ASIC2: variants seen among roughly 807,000 people sequenced by gnomAD.
ASIC2 encodes the protein acid-sensing ion channel 2.
ASIC2 carries 25 observed loss-of-function variants against 57.3 expected under a neutral mutation model. The ratio of observed to expected loss-of-function variants is 0.44; its 90% CI spans 0.32 to 0.61. The LOEUF is 0.61. ASIC2 is among the 20% of genes least tolerant of loss of function. The probability of loss-of-function intolerance (pLI) is 0.06; values close to 1 mark genes in which losing one functional copy is unlikely to be tolerated. For synonymous variants in ASIC2, 319 were observed against 307.5 expected (o/e 1.04, Z -0.39); for missense variants, 641 against 738.1 (o/e 0.87, Z 1.52).
intron 1 of ASIC2, chr17:34,070,239 C>G (rs9899242): frequency 0.19 from 28,346 of 151,730 alleles, 3,182 homozygotes; most frequent in African/African-American, 0.32. Flanking sequence ...AGCAGTACCC[C>G]CTGGTGATGT....
intron 1 of ASIC2, among the ~76,000 whole-genome samples, chr17:33,437,780 C>T (rs4506951): frequency 0.74 from 111,832 of 152,000 alleles, 41,655 homozygotes; most frequent in Middle Eastern, 0.79. Flanking sequence ...TGGGTGAGAC[C>T]CCATGCCAAA....
At chr17:33,924,707 G>A (rs747897690) in intron 1 of ASIC2, among the ~76,000 whole-genome samples, 1 of 152,160 alleles carries the variant, frequency 6.6e-6, no homozygotes, top group African/African-American at 2.4e-5. Flanking sequence ...AGCAGAGAGA[G>A]GATGCAAGTG....
At chr17:33,295,666 T>G (rs1035357848), upstream of ASIC2, among the ~76,000 whole-genome samples, 40 of 152,114 alleles carry the variant, frequency 2.6e-4, no homozygotes, top group Non-Finnish European at 5.9e-5. Context: ...TCCTTCATAT[T>G]TGTATCCCTA....
chr17:33,215,501 T>G (rs1017791056), intron 1 of ASIC2, among the ~76,000 whole-genome samples: 1 of 152,166 alleles, frequency 6.6e-6, no homozygotes, highest in Non-Finnish European at 1.5e-5. Flanking sequence ...AAAATGTTAA[T>G]GTTATAAAGG....
intron 1 of ASIC2, among the ~76,000 whole-genome samples, chr17:33,421,535 A>G (rs1911042303): frequency 6.6e-6 from 1 of 152,226 alleles, no homozygotes; most frequent in South Asian, 2.1e-4. Context: ...AGAAGTCCCA[A>G]CAACCATTGC....
intron 3 of ASIC2, among the ~76,000 whole-genome samples, chr17:33,057,326 T>C (rs1189813057): frequency 6.6e-6 from 1 of 152,210 alleles, no homozygotes; most frequent in African/African-American, 2.4e-5. Flanking sequence ...CATTCTATAC[T>C]TCAAATATTA....
chr17:33,535,991 T>A (rs971000283), intron 1 of ASIC2, among the ~76,000 whole-genome samples: 1 of 152,240 alleles, frequency 6.6e-6, no homozygotes, highest in Non-Finnish European at 1.5e-5. Context: ...GAGTCTTGTT[T>A]CCGAGGTGCA....
intron 1 of ASIC2, chr17:33,816,826 T>C (rs1338497815): frequency 6.6e-6 from 1 of 152,216 alleles, no homozygotes; most frequent in Non-Finnish European, 1.5e-5. Flanking sequence ...ATGGGGCCTT[T>C]CCCAGTCCCC....
intron 1 of ASIC2, among the ~76,000 whole-genome samples, chr17:34,055,388 CACTT>C (rs1485829184): frequency 6.6e-6 from 1 of 152,170 alleles, no homozygotes; most frequent in Non-Finnish European, 1.5e-5. Flanking sequence ...CCTGCCCTCC[CACTT>C]GTTTACTGTC....
At chr17:33,058,935 G>A (rs112460568) in intron 3 of ASIC2, among the ~76,000 whole-genome samples, 2,399 of 152,168 alleles carry the variant, frequency 0.016, 51 homozygotes, top group African/African-American at 0.053. Flanking sequence ...TCTGTTTGAT[G>A]GAAATATTAT....
intron 1 of ASIC2, among the ~76,000 whole-genome samples, chr17:33,943,246 A>G (rs1324580553): frequency 6.6e-6 from 1 of 152,246 alleles, no homozygotes; most frequent in Non-Finnish European, 1.5e-5. Flanking sequence ...AAAGAGGAGA[A>G]GCGCAGGGAA....
Position 33,391,628 on chromosome 17 carries a change from C to A in ASIC2, c.556-279561G>T, listed in dbSNP as rs184487744. ...CCTTGCCTTGACCTTGAGTTGCACT[C>A]AATTCCCCCAATATCTAAGTGCCTT... On this transcript the variant is annotated intron_variant, in intron 1 of 9. Transcript: ENST00000359872. Among the ~76,000 whole-genome samples, 16 of 152,282 alleles carry A rather than the reference C, an allele frequency of 1.1e-4. No homozygotes were observed. The East Asian group carries it at 3.1e-3, about 29-fold the overall frequency.
At chr17:33,475,665 G>A (rs1455398367) in intron 1 of ASIC2, among the ~76,000 whole-genome samples, 1 of 152,324 alleles carries the variant, frequency 6.6e-6, no homozygotes, top group South Asian at 2.1e-4. Context: ...ACCCAAAATT[G>A]CAGTAATTGC....
chr17:33,408,882 C>T (rs183873695), intron 1 of ASIC2, among the ~76,000 whole-genome samples: 1 of 152,296 alleles, frequency 6.6e-6, no homozygotes, highest in African/African-American at 2.4e-5. Context: ...TCAAGCAATG[C>T]TCAGAGAGCC....
intron 1 of ASIC2, among the ~76,000 whole-genome samples, chr17:33,944,725 A>G (rs994552570): frequency 6.6e-6 from 1 of 152,196 alleles, no homozygotes; most frequent in African/African-American, 2.4e-5. Context: ...GAGATGAGCT[A>G]ATCGTGCTGA....
At chr17:33,216,964 G>A (rs1158807351) in intron 1 of ASIC2, among the ~76,000 whole-genome samples, 1 of 152,088 alleles carries the variant, frequency 6.6e-6, no homozygotes, top group East Asian at 1.9e-4. Context: ...AGATTTAGGT[G>A]GTAAATCAGT....
At chr17:33,929,897 AAC>A (rs1227954741) in intron 1 of ASIC2, among the ~76,000 whole-genome samples, 1 of 152,246 alleles carries the variant, frequency 6.6e-6, no homozygotes, top group African/African-American at 2.4e-5. Context: ...GTTGCTTGTG[AAC>A]ACAGTCACAG....
intron 3 of ASIC2, among the ~76,000 whole-genome samples, chr17:33,046,960 G>T (rs937403051): frequency 3.3e-5 from 5 of 152,232 alleles, no homozygotes; most frequent in African/African-American, 1.2e-4. Context: ...CCGGAGCCCA[G>T]GCTCAAGAGC....
At chr17:33,682,300 C>G (rs954489171) in intron 1 of ASIC2, among the ~76,000 whole-genome samples, 1 of 151,586 alleles carries the variant, frequency 6.6e-6, no homozygotes, top group South Asian at 2.1e-4. Flanking sequence ...CTCCTGACCT[C>G]GTGATCAGCC....
Sources: gnomAD v4.1 joint callset for allele counts (sites outside exome capture counted in the v4.1 genomes callset) on GRCh38, gnomAD v4.1.1 for gene constraint, MANE v1.5 for transcripts, NCBI Gene and HGNC (gene_info 2026-07-23, HGNC 2026-07-21) for gene names.